Variants in GLG1 observed in about 807,000 individuals in gnomAD.
GLG1 encodes the protein Golgi apparatus protein 1.
A neutral mutation model predicts 160.5 loss-of-function variants in GLG1; 38 were observed. The ratio of observed to expected loss-of-function variants is 0.24; its 90% CI spans 0.18 to 0.31. GLG1 has a LOEUF of 0.31. GLG1 is among the 10% of genes least tolerant of loss of function. The pLI is 1.00. For missense variants in GLG1, 1,373 were observed against 1,505.2 expected (o/e 0.91, Z 1.45); for synonymous variants, 644 against 543.4 (o/e 1.19, Z -2.57).
In GLG1 at chr16:74,606,762, C is replaced by A; in HGVS notation, c.333G>T (p.Lys111Asn). Residue 111 changes from lysine (K) to asparagine (N), a missense_variant, in exon 1 of 26, where the codon AAG becomes AAT. Physicochemically the swap from Lys to Asn is moderately conservative, Grantham distance 94. This residue lies in a region of GLG1 where 322 missense variants were observed against 254.6 expected (regional missense o/e 1.26). Coordinates refer to ENST00000422840, the MANE Select transcript of GLG1 (RefSeq NM_001145667.2). ...RGGAGAGGGWKLAEEESCRED... is the reference protein window; with the variant it reads ...RGGAGAGGGWNLAEEESCRED... ...CCCTGCAGGACTCTTCCTCCGCCAG[C>A]TTCCAGCCCCCACCAGCCCCCGCTC... is the stretch of plus-strand genomic sequence containing the variant. 6.2e-7 allele frequency: 1 copy of A among 1,612,908 alleles called. No individual in the cohort carries two copies. The highest frequency in any genetic ancestry group is 8.5e-7 in the Non-Finnish European group (1 of 1,179,422).
chr16:74,546,241 C>A (rs533539215), intron 1 of GLG1, among the ~76,000 whole-genome samples: 1 of 152,172 alleles, frequency 6.6e-6, no homozygotes, highest in Non-Finnish European at 1.5e-5. Flanking sequence ...GAATTCCAGA[C>A]CATCCTGAGC....
intron 2 of GLG1, among the ~76,000 whole-genome samples, chr16:74,509,887 T>C (rs2016746492): frequency 6.6e-6 from 1 of 151,770 alleles, no homozygotes; most frequent in Non-Finnish European, 1.5e-5. Context: ...GGGATCTCAC[T>C]GTGCTGCCAG....
chr16:74,469,403 T>C, intron 16 of GLG1: 1 of 258,264 alleles, frequency 3.9e-6, no homozygotes, highest in Non-Finnish European at 7.5e-6. Context: ...TTTGACCTAC[T>C]GTGAAACTCA....
chr16:74,511,986 A>G (rs1225090068), intron 2 of GLG1, among the ~76,000 whole-genome samples: 3 of 151,984 alleles, frequency 2.0e-5, no homozygotes, highest in Non-Finnish European at 2.9e-5. Context: ...TTACCTCTCT[A>G]AAGTGTACAA....
At chr16:74,555,509 A>G (rs1385322662) in intron 1 of GLG1, among the ~76,000 whole-genome samples, 3 of 152,050 alleles carry the variant, frequency 2.0e-5, no homozygotes. Context: ...CAACACAGAG[A>G]GACCTCATCT....
chr16:74,511,299 C>T (rs555223075), intron 2 of GLG1, among the ~76,000 whole-genome samples: 1 of 152,190 alleles, frequency 6.6e-6, no homozygotes, highest in South Asian at 2.1e-4. Flanking sequence ...ATTTCTTCTC[C>T]TCCCTCCTCA....
intron 1 of GLG1, among the ~76,000 whole-genome samples, chr16:74,598,345 C>A (rs1364239410): frequency 1.3e-5 from 2 of 150,924 alleles, no homozygotes; most frequent in African/African-American, 2.4e-5. Flanking sequence ...CATGGTGAAA[C>A]CCCGTCTCTA....
intron 4 of GLG1, among the ~76,000 whole-genome samples, chr16:74,496,998 G>GC (rs1188450981): frequency 6.6e-6 from 1 of 152,080 alleles, no homozygotes; most frequent in Non-Finnish European, 1.5e-5. Flanking sequence ...ACACAACAGG[G>GC]CCAGGCATGG....
chr16:74,530,369 G>A (rs1272216454), intron 2 of GLG1, among the ~76,000 whole-genome samples: 1 of 152,092 alleles, frequency 6.6e-6, no homozygotes, highest in African/African-American at 2.4e-5. Context: ...GGCTTGAACA[G>A]GGTTCAGCCA....
intron 1 of GLG1, among the ~76,000 whole-genome samples, chr16:74,555,118 C>A (rs1266618988): frequency 6.6e-6 from 1 of 152,062 alleles, no homozygotes; most frequent in Non-Finnish European, 1.5e-5. Context: ...CTTGGAGATA[C>A]CCACCAGATG....
At chr16:74,569,409 T>C (rs1354889392) in intron 1 of GLG1, among the ~76,000 whole-genome samples, 3 of 152,184 alleles carry the variant, frequency 2.0e-5, no homozygotes, top group Non-Finnish European at 4.4e-5. Context: ...GGTTTGAAGG[T>C]ATATATACCT....
chr16:74,528,836 A>T (rs2017431671), intron 2 of GLG1, among the ~76,000 whole-genome samples: 2 of 144,686 alleles, frequency 1.4e-5, no homozygotes, highest in African/African-American at 5.0e-5. Context: ...AAAAAAAAAA[A>T]TTGTTAGGTG....
At chr16:74,481,904 G>C (rs539315776) in intron 10 of GLG1, among the ~76,000 whole-genome samples, 1 of 152,234 alleles carries the variant, frequency 6.6e-6, no homozygotes, top group Admixed American at 6.5e-5. Context: ...TCCTGCCTCA[G>C]CCTCCCGAGT....
rs1268189393 is a variant in GLG1 at position 74,606,901 on chromosome 16, T to C, written c.194A>G (p.Gln65Arg). 1 of 1,604,176 alleles carries C rather than the reference T, an allele frequency of 6.2e-7. No homozygotes were observed. The highest frequency in any genetic ancestry group is 1.1e-5 in the South Asian group (1 of 90,320). The change falls in exon 1 of 26, where the codon CAG becomes CGG. Residue 65 changes from glutamine to arginine, a missense_variant. Physicochemically the swap from Gln to Arg is conservative, Grantham distance 43 (BLOSUM62 1). Around this residue, in one of 4 missense-constraint regions of GLG1, gnomAD observed 322 missense variants for 254.6 expected, o/e 1.26. Coordinates refer to ENST00000422840, the MANE Select transcript of GLG1 (RefSeq NM_001145667.2). The stretch of plus-strand genomic sequence containing the variant: ...CTGAAGCTGCGATGACTGAGGCAGC[T>C]GGGGCAGCTGCTGACCCGCCGGGCC... ...GGGPAGQQLP[Q>R]LPQSSQLQQQ...
intron 1 of GLG1, among the ~76,000 whole-genome samples, chr16:74,544,336 A>G (rs1020673086): frequency 1.3e-5 from 2 of 152,238 alleles, no homozygotes; most frequent in African/African-American, 4.8e-5. Flanking sequence ...GTTTTGAGAC[A>G]GAGTTTCACT....
At chr16:74,516,281 C>A (rs1480635343) in intron 2 of GLG1, among the ~76,000 whole-genome samples, 1 of 151,682 alleles carries the variant, frequency 6.6e-6, no homozygotes, top group Non-Finnish European at 1.5e-5. Context: ...CACACCTATT[C>A]CAAAACTGAC....
chr16:74,455,918 T>C lies in GLG1; in HGVS notation c.3372+731A>G, dbSNP rs780622263. ...GTTATGTAAACTACAAAGCAATGTATGCACGAGAAGAACTGTTATTCTTCT... is the reference window on the plus strand; with the variant it reads ...GTTATGTAAACTACAAAGCAATGTACGCACGAGAAGAACTGTTATTCTTCT... On this transcript the variant is annotated intron_variant, in intron 25 of 25. Transcript: ENST00000422840. Among the ~76,000 whole-genome samples the C allele has an allele frequency of 2.6e-5, 4 of 152,296 alleles. No homozygotes were observed. In the South Asian group the frequency reaches 8.3e-4, roughly 32 times the overall value.
At chr16:74,571,566 A>C (rs2018827458) in intron 1 of GLG1, among the ~76,000 whole-genome samples, 1 of 152,000 alleles carries the variant, frequency 6.6e-6, no homozygotes, top group Non-Finnish European at 1.5e-5. Context: ...AGGCAAGAGA[A>C]TCGCTCGTAC....
At chr16:74,538,636 TA>T (rs889215594) in intron 1 of GLG1, among the ~76,000 whole-genome samples, 8 of 152,172 alleles carry the variant, frequency 5.3e-5, no homozygotes, top group Non-Finnish European at 1.2e-4. Flanking sequence ...TCTGATTCAC[TA>T]AAGAGTTGTA....
Sources: gnomAD v4.1 joint callset for allele counts (sites outside exome capture counted in the v4.1 genomes callset) on GRCh38, gnomAD v4.1.1 for gene constraint, gnomAD v4.1.1 regional missense constraint, MANE v1.5 for transcripts, NCBI Gene and HGNC (gene_info 2026-07-23, HGNC 2026-07-21) for gene names.